Variants in PKHD1 observed in about 807,000 individuals in gnomAD.
PKHD1 encodes PKHD1 ciliary IPT domain containing fibrocystin/polyductin.
A neutral mutation model predicts 412.0 loss-of-function variants in PKHD1; 291 were observed. The observed-to-expected ratio is 0.71, with a 90% CI of 0.64 to 0.78. The LOEUF is 0.78. PKHD1 is among the 30% of genes least tolerant of loss of function. The pLI is 0.00. For missense variants in PKHD1, 4,825 were observed against 4,950.7 expected (o/e 0.97, Z 0.76); for synonymous variants, 1,777 against 1,821.5 (o/e 0.98, Z 0.62).
chr6:51,934,454 T>G, intron 36 of PKHD1, 132 bp from the exon 37 acceptor site: 1 of 712,120 alleles, frequency 1.4e-6, no homozygotes, highest in South Asian at 1.5e-5. Context: ...TCATGCTCTC[T>G]CTTGTAGAAG....
chr6:51,766,568 T>G lies in PKHD1; in HGVS notation c.8642+6134A>C, dbSNP rs1042384837. Among the ~76,000 whole-genome samples the G allele has an allele frequency of 2.6e-5, 4 of 151,158 alleles. No homozygotes were observed. In the Admixed American group the frequency reaches 2.6e-4, roughly 10 times the overall value. Reference sequence around the variant, plus strand: ...TTATTAGCAAGATGTATTTTTTTTGTGGCTTACATATTCAAACCCTTTCAC... The same window carrying G: ...TTATTAGCAAGATGTATTTTTTTTGGGGCTTACATATTCAAACCCTTTCAC... On this transcript the variant is annotated intron_variant, in intron 55 of 66. Transcript: ENST00000371117.
At chr6:52,059,716 A>G (rs1004416592) in intron 15 of PKHD1, among the ~76,000 whole-genome samples, 1 of 152,380 alleles carries the variant, frequency 6.6e-6, no homozygotes, top group East Asian at 1.9e-4. Flanking sequence ...AAGGTCTATA[A>G]AAGATGTAGC....
intron 36 of PKHD1, among the ~76,000 whole-genome samples, chr6:51,949,894 G>T (rs1046559997): frequency 2.0e-5 from 3 of 152,048 alleles, no homozygotes; most frequent in African/African-American, 7.2e-5. Context: ...TGCTGCTGCT[G>T]CTGTTTTTCC....
chr6:51,930,946 G>C (rs1015764287), intron 37 of PKHD1, among the ~76,000 whole-genome samples: 5 of 152,150 alleles, frequency 3.3e-5, no homozygotes, highest in African/African-American at 1.2e-4. Context: ...AAACCCTTCT[G>C]TTACTCTGAT....
chr6:51,633,362 T>C (rs548817749), intron 64 of PKHD1, among the ~76,000 whole-genome samples: 7 of 151,906 alleles, frequency 4.6e-5, no homozygotes, highest in Non-Finnish European at 8.8e-5. Context: ...ATGAAATGAG[T>C]CATAAAATAA....
chr6:51,905,979 T>C (rs1782007822), intron 41 of PKHD1, among the ~76,000 whole-genome samples: 1 of 152,192 alleles, frequency 6.6e-6, no homozygotes, highest in Non-Finnish European at 1.5e-5. Flanking sequence ...AAACTTCCCA[T>C]TATACACTTA....
At chr6:51,867,348 A>G (rs1250193550) in intron 48 of PKHD1, among the ~76,000 whole-genome samples, 1 of 152,116 alleles carries the variant, frequency 6.6e-6, no homozygotes, top group Non-Finnish European at 1.5e-5. Flanking sequence ...TTGCTCCAAT[A>G]TTAATAGGAA....
At chr6:52,048,739 C>A in intron 22 of PKHD1, 120 bp from the exon 23 acceptor site, 1 of 1,156,926 alleles carries the variant, frequency 8.6e-7, no homozygotes, top group Non-Finnish European at 1.3e-6. Flanking sequence ...GCTAAGGGAC[C>A]TGAGGAAACT....
In PKHD1 at chr6:52,002,094, A is replaced by G. The variant is rs556334274; in HGVS notation, c.5751+8215T>C. On this transcript the variant is annotated intron_variant, in intron 35 of 66. Transcript: ENST00000371117. ...TCAGTGAAGTTAAGAAAATTTGCCC[A>G]AAGTTATATAACAAGTAAGTAGAAG... Among the ~76,000 whole-genome samples the G allele has an allele frequency of 2.0e-5, 3 of 152,362 alleles. No homozygotes were observed. The East Asian group carries it at 5.8e-4, about 29-fold the overall frequency.
chr6:52,054,734 C>T (rs1807439512), intron 19 of PKHD1, among the ~76,000 whole-genome samples: 1 of 152,108 alleles, frequency 6.6e-6, no homozygotes, highest in Non-Finnish European at 1.5e-5. Context: ...CTGGCCTCCA[C>T]CCACCAGATG....
At chr6:52,064,479 G>C (rs1809187878) in intron 13 of PKHD1, among the ~76,000 whole-genome samples, 1 of 152,198 alleles carries the variant, frequency 6.6e-6, no homozygotes. Flanking sequence ...CAAAGCAGCA[G>C]ACAGATGCCC....
intron 35 of PKHD1, among the ~76,000 whole-genome samples, chr6:51,971,539 T>G (rs1583631288): frequency 6.6e-6 from 1 of 152,154 alleles, no homozygotes; most frequent in Admixed American, 6.5e-5. Flanking sequence ...GGAAGAATTA[T>G]GACTACCAAA....
chr6:51,888,219 T>A (rs1778510869), intron 43 of PKHD1, among the ~76,000 whole-genome samples: 1 of 152,250 alleles, frequency 6.6e-6, no homozygotes, highest in South Asian at 2.1e-4. Flanking sequence ...GTCGCCTTGA[T>A]ATTTCTTTAT....
At chr6:51,629,669 T>G (rs964041997) in intron 65 of PKHD1, among the ~76,000 whole-genome samples, 4 of 152,188 alleles carry the variant, frequency 2.6e-5, no homozygotes, top group Non-Finnish European at 5.9e-5. Flanking sequence ...TAAATTTTAT[T>G]TAAAATTCAT....
At chr6:52,041,822 C>A (rs1804931593) in intron 27 of PKHD1, among the ~76,000 whole-genome samples, 1 of 152,100 alleles carries the variant, frequency 6.6e-6, no homozygotes. Context: ...TCCTGGGAAC[C>A]CCCTCAGTCC....
At chr6:52,033,230 G>A (rs1803349689) in intron 28 of PKHD1, 65 bp from the exon 29 acceptor site, 1 of 1,234,692 alleles carries the variant, frequency 8.1e-7, no homozygotes, top group African/African-American at 1.5e-5. Context: ...CTTAAGGGAA[G>A]AGAACTCCAT....
chr6:52,010,328 C>A lies in PKHD1; in HGVS notation c.5732G>T (p.Arg1911Leu). 6.2e-7 allele frequency: 1 copy of A among 1,613,756 alleles called. No individual in the cohort carries two copies. The highest frequency in any genetic ancestry group is 8.5e-7 in the Non-Finnish European group (1 of 1,179,800). Residue 1911 changes from arginine (R) to leucine (L), a missense_variant, in exon 35 of 67, where the codon CGC (arginine) becomes CTC (leucine). Coordinates refer to ENST00000371117, the MANE Select transcript of PKHD1 (RefSeq NM_138694.4). ...ITVKITEIRK[R>L]WGQNTQGNFS... Reference sequence around the variant, plus strand: ...TTATACCTGAGTGTTCTGGCCCCAGCGTTTCCGTATCTCAGTAATCTTGAC... The same window carrying A: ...TTATACCTGAGTGTTCTGGCCCCAGAGTTTCCGTATCTCAGTAATCTTGAC...
At chr6:51,807,483 A>ATGTGTG (rs1323501426) in intron 52 of PKHD1, among the ~76,000 whole-genome samples, 1 of 90,326 alleles carries the variant, frequency 1.1e-5, no homozygotes, top group Non-Finnish European at 2.1e-5. Flanking sequence ...ATATATATGT[A>ATGTGTG]TATGTGTGTG....
At chr6:51,853,015 T>C (rs1380715956) in intron 49 of PKHD1, among the ~76,000 whole-genome samples, 2 of 152,200 alleles carry the variant, frequency 1.3e-5, no homozygotes, top group Admixed American at 1.3e-4. Context: ...CATTGGTCTT[T>C]ATATTTTGGT....
Sources: gnomAD v4.1 joint callset for allele counts (sites outside exome capture counted in the v4.1 genomes callset) on GRCh38, gnomAD v4.1.1 for gene constraint, MANE v1.5 for transcripts, NCBI Gene and HGNC (gene_info 2026-07-23, HGNC 2026-07-21) for gene names.